The following TBC1D22A variants were observed in gnomAD, a reference collection of about 807,000 sequenced individuals.
TBC1D22A encodes the protein putative GTPase activator.
Under a neutral mutation model 60.2 loss-of-function variants are expected in TBC1D22A, and 38 were observed. That is an observed-to-expected ratio of 0.63 (90% CI 0.49 to 0.83). The LOEUF (loss-of-function observed/expected upper bound fraction) is 0.83, where lower values mean the gene tolerates loss of function less well. Among genes scored for constraint, TBC1D22A ranks in the 40% least tolerant of loss-of-function variants. The probability of loss-of-function intolerance (pLI) is 0.00; values close to 1 mark genes in which losing one functional copy is unlikely to be tolerated. For synonymous variants in TBC1D22A, 302 were observed against 281.7 expected, an observed-to-expected ratio of 1.07 and a Z score of -0.72; for missense variants, 628 against 701.0, an observed-to-expected ratio of 0.90 and a Z score of 1.18.
intron 3 of TBC1D22A, among the ~76,000 whole-genome samples, chr22:46,795,978 C>T (rs909930780): frequency 6.6e-6 from 1 of 152,196 alleles, no homozygotes; most frequent in Non-Finnish European, 1.5e-5. Context: ...GTCCTCCCCT[C>T]TGCTCAGGTG....
At chr22:46,856,836 T>C (rs2087596183) in intron 4 of TBC1D22A, among the ~76,000 whole-genome samples, 1 of 152,254 alleles carries the variant, frequency 6.6e-6, no homozygotes, top group Non-Finnish European at 1.5e-5. Context: ...TAAATAATGC[T>C]GTGATGACAT....
chr22:47,109,095 C>T (rs1457647361), intron 11 of TBC1D22A, among the ~76,000 whole-genome samples: 1 of 152,204 alleles, frequency 6.6e-6, no homozygotes, highest in African/African-American at 2.4e-5. Context: ...TCATATTAGA[C>T]TCCTTCCTCC....
intron 8 of TBC1D22A, among the ~76,000 whole-genome samples, chr22:46,945,393 T>C (rs952324683): frequency 2.0e-5 from 3 of 152,258 alleles, no homozygotes; most frequent in Non-Finnish European, 4.4e-5. Flanking sequence ...GCACGTTGTT[T>C]CTGAAGCTTT....
chr22:46,917,695 C>T (rs767710128), intron 8 of TBC1D22A, among the ~76,000 whole-genome samples: 6 of 152,076 alleles, frequency 3.9e-5, no homozygotes, highest in Non-Finnish European at 5.9e-5. Flanking sequence ...TGGAAATTGT[C>T]GGCCTGGAAA....
At chr22:46,830,299 C>G (rs1179164241) in intron 4 of TBC1D22A, among the ~76,000 whole-genome samples, 2 of 152,250 alleles carry the variant, frequency 1.3e-5, no homozygotes, top group Non-Finnish European at 2.9e-5. Flanking sequence ...CTTCTCTCCA[C>G]TCACACTACT....
At chr22:47,067,708 G>A (rs1310343713) in intron 11 of TBC1D22A, among the ~76,000 whole-genome samples, 1 of 152,198 alleles carries the variant, frequency 6.6e-6, no homozygotes, top group Non-Finnish European at 1.5e-5. Context: ...CTCAGGAAGG[G>A]ACCATCGTCA....
intron 7 of TBC1D22A, among the ~76,000 whole-genome samples, chr22:46,898,709 G>A (rs1277453079): frequency 6.6e-6 from 1 of 152,162 alleles, no homozygotes; most frequent in Non-Finnish European, 1.5e-5. Flanking sequence ...CACTGCCATG[G>A]TGAAATTTTT....
chr22:46,874,562 C>CTTTTTTTTTTTTTTTTTTTTTTT (rs747481407), intron 4 of TBC1D22A, among the ~76,000 whole-genome samples: 1 of 40,778 alleles, frequency 2.5e-5, no homozygotes, highest in African/African-American at 1.0e-4. Flanking sequence ...ACAGGTATGT[C>CTTTTTTTTTTTTTTTTTTTTTTT]TTTTTTTTTT....
At chr22:47,086,222 T>C (rs991929588) in intron 11 of TBC1D22A, among the ~76,000 whole-genome samples, 36 of 152,112 alleles carry the variant, frequency 2.4e-4, no homozygotes, top group African/African-American at 8.2e-4. Flanking sequence ...CCCAGCACTT[T>C]GGGAGGCTGA....
intron 7 of TBC1D22A, among the ~76,000 whole-genome samples, chr22:46,902,769 C>T (rs1012949043): frequency 1.3e-5 from 2 of 151,248 alleles, no homozygotes; most frequent in Non-Finnish European, 2.9e-5. Context: ...TTGTGATTCC[C>T]GAAGAACACC....
chr22:46,897,339 G>A (rs535371229), intron 7 of TBC1D22A, among the ~76,000 whole-genome samples: 26 of 152,230 alleles, frequency 1.7e-4, no homozygotes, highest in African/African-American at 5.8e-4. Flanking sequence ...GTAGTGGCCC[G>A]CTATCAGTCT....
At chr22:47,106,742 A>G (rs2065648715) in intron 11 of TBC1D22A, among the ~76,000 whole-genome samples, 1 of 152,194 alleles carries the variant, frequency 6.6e-6, no homozygotes, top group Non-Finnish European at 1.5e-5. Flanking sequence ...ACAAACATAT[A>G]TGAAAGAACA....
rs569774112 is a variant in TBC1D22A, at chr22:47,080,628, T to A, written c.1330-30880T>A. Among the ~76,000 whole-genome samples the A allele has an allele frequency of 9.4e-3, 1,409 of 150,110 alleles. 22 individuals carry two copies. Among genetic ancestry groups the A allele is most frequent in the African/African-American group, 0.03 (1,224 of 40,992 alleles). On this transcript the variant is annotated intron_variant, in intron 11 of 12. Transcript: ENST00000337137. ...AGCTAACCATATACCTGTAAAAATA[T>A]ATATATATATATATGAATGAAAAGA...
chr22:47,026,885 A>AT (rs1245977638), intron 10 of TBC1D22A, among the ~76,000 whole-genome samples: 1 of 152,226 alleles, frequency 6.6e-6, no homozygotes, highest in East Asian at 1.9e-4. Flanking sequence ...TGACAAGCTG[A>AT]TTTTTAAATT....
At chr22:46,828,131 C>G (rs2086150675) in intron 4 of TBC1D22A, among the ~76,000 whole-genome samples, 1 of 152,206 alleles carries the variant, frequency 6.6e-6, no homozygotes, top group Non-Finnish European at 1.5e-5. Flanking sequence ...CCTTCCAACA[C>G]AGCAGAGGTT....
chr22:46,884,082 C>T (rs977158988), intron 5 of TBC1D22A, among the ~76,000 whole-genome samples: 6 of 152,104 alleles, frequency 3.9e-5, no homozygotes, highest in African/African-American at 1.4e-4. Flanking sequence ...AGCCCTTGGA[C>T]GAACATTCCG....
chr22:46,941,662 ACG>A (rs796419636), intron 8 of TBC1D22A, among the ~76,000 whole-genome samples: 20 of 63,488 alleles, frequency 3.2e-4, no homozygotes, highest in Admixed American at 6.8e-4. Context: ...GAATATATAT[ACG>A]CGGAATATAT....
intron 10 of TBC1D22A, among the ~76,000 whole-genome samples, chr22:47,007,895 A>G (rs1437937200): frequency 3.3e-5 from 5 of 152,216 alleles, no homozygotes; most frequent in Admixed American, 6.5e-5. Flanking sequence ...GGGAAACACT[A>G]ACATTCAGCT....
intron 8 of TBC1D22A, among the ~76,000 whole-genome samples, chr22:46,972,772 G>T (rs136109): frequency 0.19 from 28,152 of 152,120 alleles, 3,162 homozygotes; most frequent in East Asian, 0.27. Context: ...ATTTTATGGC[G>T]GATGAATTAT....
Sources: allele counts gnomAD v4.1 joint callset (sites outside exome capture counted in the v4.1 genomes callset), GRCh38; gene constraint gnomAD v4.1.1; transcripts MANE v1.5; gene names NCBI Gene and HGNC (gene_info 2026-07-23, HGNC 2026-07-21).